The following TRAF3 variants were observed in gnomAD, a reference collection of about 807,000 sequenced individuals.
TRAF3 encodes TNF receptor-associated factor 3.
A neutral mutation model predicts 62.3 loss-of-function variants in TRAF3; 13 were observed. The observed-to-expected ratio is 0.21, with a 90% CI of 0.14 to 0.33. TRAF3 has a LOEUF of 0.33. Among genes scored for constraint, TRAF3 ranks in the 10% least tolerant of loss-of-function variants. The probability of loss-of-function intolerance (pLI) is 1.00; values close to 1 mark genes in which losing one functional copy is unlikely to be tolerated. For missense variants in TRAF3, 440 were observed against 741.8 expected, an observed-to-expected ratio of 0.59 and a Z score of 4.73; for synonymous variants, 269 against 283.4, an observed-to-expected ratio of 0.95 and a Z score of 0.51.
At chr14:102,782,408 T>C (rs574547725) in intron 1 of TRAF3, among the ~76,000 whole-genome samples, 1 of 151,986 alleles carries the variant, frequency 6.6e-6, no homozygotes, top group South Asian at 2.1e-4. Flanking sequence ...TAATTTTGTA[T>C]TTTTAGTAGA....
intron 1 of TRAF3, among the ~76,000 whole-genome samples, chr14:102,782,351 A>G (rs894031642): frequency 2.6e-5 from 4 of 152,014 alleles, no homozygotes; most frequent in African/African-American, 9.7e-5. Flanking sequence ...CTCCTGCCTT[A>G]GCCTCCTAAG....
At chr14:102,814,584 A>T (rs1421257711) in intron 1 of TRAF3, among the ~76,000 whole-genome samples, 3 of 152,048 alleles carry the variant, frequency 2.0e-5, no homozygotes, top group Non-Finnish European at 4.4e-5. Context: ...CAGTGGCATG[A>T]TACAGCTCAG....
At chr14:102,866,952 C>A (rs560800735) in intron 2 of TRAF3, among the ~76,000 whole-genome samples, 1 of 152,142 alleles carries the variant, frequency 6.6e-6, no homozygotes, top group African/African-American at 2.4e-5. Context: ...AGTGGCCTCT[C>A]AGCATATGAA....
intron 1 of TRAF3, among the ~76,000 whole-genome samples, chr14:102,828,525 G>C (rs868525971): frequency 2.0e-4 from 30 of 152,348 alleles, no homozygotes; most frequent in Middle Eastern, 3.4e-3. Flanking sequence ...ACGTGAAGCT[G>C]AAGATGTCTT....
At position 102,910,071 on chromosome 14, in the gene TRAF3, G is replaced by T. The variant is rs747366086; in HGVS notation, c.*4287G>T. On this transcript the variant is annotated 3_prime_UTR_variant, in exon 12 of 12. Coordinates refer to ENST00000392745, the MANE Select transcript of TRAF3 (RefSeq NM_145725.3). ...CACGGGGAGGATTGGCCTGAGGACC[G>T]TCACCCTGTGCACAGCCCCAGTAGG... 6.6e-6 allele frequency: 1 copy of T among 152,252 alleles called. No homozygotes were observed. Among genetic ancestry groups the T allele is most frequent in the South Asian group, 2.1e-4 (1 of 4,834 alleles). The allele number at this position is 152,252 out of a possible 1,614,324, so 9.4% of individuals were successfully genotyped here.
At chr14:102,792,140 T>TTA (rs140558715) in intron 1 of TRAF3, among the ~76,000 whole-genome samples, 10 of 140,376 alleles carry the variant, frequency 7.1e-5, no homozygotes, top group South Asian at 4.7e-4. Context: ...TTTTTTTTTT[T>TTA]ATCAGACCAG....
chr14:102,830,551 C>T (rs1566761529), intron 2 of TRAF3, 79 bp downstream of exon 2: 1 of 152,188 alleles, frequency 6.6e-6, no homozygotes, highest in Non-Finnish European at 1.5e-5. Flanking sequence ...CAACAGGCAT[C>T]TAATTTAGAC....
chr14:102,825,580 T>C (rs1023215054), intron 1 of TRAF3, among the ~76,000 whole-genome samples: 1 of 152,054 alleles, frequency 6.6e-6, no homozygotes, highest in Non-Finnish European at 1.5e-5. Context: ...CTGCTCGAGA[T>C]CCCCCACGGA....
Position 102,903,748 on chromosome 14 carries a change from G to A in TRAF3, c.1135+319G>A, listed in dbSNP as rs760085037. The A allele has an allele frequency of 2.6e-4, 136 of 513,502 alleles. No individual in the cohort carries two copies. The highest frequency in any genetic ancestry group is 1.3e-4 in the African/African-American group (7 of 52,270). The allele number at this position is 513,502 out of a possible 1,614,324, so 31.8% of individuals were successfully genotyped here. A position where few individuals can be genotyped will look rare whatever the true frequency, so the allele number is the denominator to read the frequency against. ...GGTGACCCACAGGACAGGCCCAAGC[G>A]CAGATGGCAGAGGCCAGGACCTGCT... On this transcript the variant is annotated intron_variant, in intron 11 of 11. Coordinates refer to ENST00000392745, the MANE Select transcript of TRAF3 (RefSeq NM_145725.3). The surrounding 1 kb of genome is among the most constrained non-coding windows in gnomAD (Gnocchi z 6.4).
At chr14:102,884,836 T>C (rs1027980443) in intron 6 of TRAF3, among the ~76,000 whole-genome samples, 8 of 151,636 alleles carry the variant, frequency 5.3e-5, no homozygotes, top group Non-Finnish European at 1.0e-4. Context: ...AAAAAGCACA[T>C]ATATATGTGC....
At chr14:102,799,390 A>G (rs1484709370) in intron 1 of TRAF3, among the ~76,000 whole-genome samples, 1 of 152,202 alleles carries the variant, frequency 6.6e-6, no homozygotes, top group Non-Finnish European at 1.5e-5. Flanking sequence ...CAGTTCATGA[A>G]TTCATTCCCA....
chr14:102,794,092 T>G (rs1897944828), intron 1 of TRAF3, among the ~76,000 whole-genome samples: 1 of 152,208 alleles, frequency 6.6e-6, no homozygotes, highest in Non-Finnish European at 1.5e-5. Flanking sequence ...CCTAAGGTGG[T>G]TGTGCTTCTT....
chr14:102,842,417 C>T (rs1201022203), intron 2 of TRAF3, among the ~76,000 whole-genome samples: 1 of 151,696 alleles, frequency 6.6e-6, no homozygotes, highest in African/African-American at 2.4e-5. Context: ...AGCCTGAAGA[C>T]GTAGCAGTAG....
chr14:102,793,922 T>C (rs1897935717), intron 1 of TRAF3, among the ~76,000 whole-genome samples: 1 of 152,204 alleles, frequency 6.6e-6, no homozygotes, highest in African/African-American at 2.4e-5. Flanking sequence ...TTCTGCTCCA[T>C]GTGGCCTTGA....
In TRAF3 at chr14:102,907,464, A is replaced by G. The variant is rs1200164331; in HGVS notation, c.*1680A>G. 6.6e-6 allele frequency: 1 copy of G among 152,366 alleles called. No homozygotes were observed. The highest frequency in any genetic ancestry group is 1.5e-5 in the Non-Finnish European group (1 of 68,144). 9.4% of individuals were successfully genotyped at this position (152,366 alleles called of 1,614,324 possible). A position where few individuals can be genotyped will look rare whatever the true frequency, so the allele number is the denominator to read the frequency against. On this transcript the variant is annotated 3_prime_UTR_variant, in exon 12 of 12. Coordinates refer to ENST00000392745, the MANE Select transcript of TRAF3 (RefSeq NM_145725.3). The stretch of plus-strand genomic sequence containing the variant: ...CCCTGCACCCCTTTTGCTATGCACC[A>G]CGCTTCATGGTGCTCTTACCACTGA...
At chr14:102,810,465 GAA>G (rs1164002436) in intron 1 of TRAF3, among the ~76,000 whole-genome samples, 1 of 152,218 alleles carries the variant, frequency 6.6e-6, no homozygotes, top group Admixed American at 6.5e-5. Flanking sequence ...TTAATTGTGA[GAA>G]ATTGAAATAA....
rs377143104 is a variant in TRAF3, at chr14:102,905,902, A to G, written c.*118A>G. ...GACCTTGTGAGACGGAGGAAGCGGC[A>G]GAAGGCGGACGCGTGCCGGCGGGAG... On this transcript the variant is annotated 3_prime_UTR_variant, in exon 12 of 12. Transcript: ENST00000392745. 1.0e-6 allele frequency: 1 copy of G among 978,962 alleles called. No homozygotes were observed. 60.6% of individuals were successfully genotyped at this position (978,962 alleles called of 1,614,324 possible).
chr14:102,835,070 A>G (rs1487570993), intron 2 of TRAF3, among the ~76,000 whole-genome samples: 1 of 152,102 alleles, frequency 6.6e-6, no homozygotes, highest in Non-Finnish European at 1.5e-5. Context: ...AAAAAAAACA[A>G]CCCCATTAAA....
At position 102,903,510 on chromosome 14, in the gene TRAF3, GCT is replaced by G; in HGVS notation, c.1135+82_1135+83del. On this transcript the variant is annotated intron_variant, in intron 11 of 11. Coordinates refer to ENST00000392745, the MANE Select transcript of TRAF3 (RefSeq NM_145725.3). The surrounding 1 kb of genome is among the most constrained non-coding windows in gnomAD (Gnocchi z 6.4). Reference sequence around the variant, plus strand: ...CTGGGGCGGGGTCCGTGGGATGAGGGCTATGTTAGGTACATGTGCCTTAGGAC... The same window carrying G: ...CTGGGGCGGGGTCCGTGGGATGAGGGATGTTAGGTACATGTGCCTTAGGAC... 1.3e-6 allele frequency: 2 copies of G among 1,585,658 alleles called. No homozygotes were observed. The highest frequency in any genetic ancestry group is 1.7e-6 in the Non-Finnish European group (2 of 1,161,060).
Sources: gnomAD v4.1 joint callset for allele counts (sites outside exome capture counted in the v4.1 genomes callset) on GRCh38, gnomAD v4.1.1 for gene constraint, Gnocchi (gnomAD v3.1) non-coding constraint, MANE v1.5 for transcripts, NCBI Gene and HGNC (gene_info 2026-07-23, HGNC 2026-07-21) for gene names.